CUX2: variants seen among roughly 807,000 people sequenced by gnomAD.
The protein encoded by CUX2 is homeobox protein cut-like 2.
In CUX2, 40 loss-of-function variants were observed where a neutral mutation model predicts 144.8. The observed-to-expected ratio is 0.28, with a 90% CI of 0.21 to 0.36. The LOEUF (loss-of-function observed/expected upper bound fraction) is 0.36. Ranked by LOEUF, CUX2 falls within the 10% of genes least tolerant of loss-of-function variation. The pLI is 1.00. For missense variants in CUX2, 1,615 were observed against 1,994.0 expected (o/e 0.81, Z 3.62); for synonymous variants, 827 against 875.6 (o/e 0.94, Z 0.98).
At chr12:111,341,296 CA>C (rs973641697) in intron 20 of CUX2, among the ~76,000 whole-genome samples, 1 of 151,450 alleles carries the variant, frequency 6.6e-6, no homozygotes, top group Non-Finnish European at 1.5e-5. Context: ...CCCATCTCTA[CA>C]AAAAAAATTA....
At chr12:111,318,896 C>A (rs528054002) in intron 16 of CUX2, among the ~76,000 whole-genome samples, 1 of 152,062 alleles carries the variant, frequency 6.6e-6, no homozygotes, top group East Asian at 2.0e-4. Context: ...AACTCCTAAA[C>A]TCAGACAATT....
At chr12:111,203,555 A>G (rs1880736497) in intron 1 of CUX2, among the ~76,000 whole-genome samples, 2 of 151,360 alleles carry the variant, frequency 1.3e-5, no homozygotes, top group Non-Finnish European at 2.9e-5. Context: ...AAAAAAAAAA[A>G]AAAAGAAAAA....
intron 4 of CUX2, among the ~76,000 whole-genome samples, chr12:111,283,282 G>A (rs1019591262): frequency 5.9e-5 from 9 of 152,076 alleles, no homozygotes; most frequent in Admixed American, 1.3e-4. Flanking sequence ...TCAGGATGTG[G>A]GTCTGCAGCA....
intron 1 of CUX2, among the ~76,000 whole-genome samples, chr12:111,182,578 G>A (rs967484620): frequency 1.3e-5 from 2 of 152,220 alleles, no homozygotes; most frequent in Non-Finnish European, 2.9e-5. Flanking sequence ...CGGCTCAGGT[G>A]ACAATGCTGA....
chr12:111,234,258 G>A (rs1270427152), intron 3 of CUX2, among the ~76,000 whole-genome samples: 2 of 152,178 alleles, frequency 1.3e-5, no homozygotes, highest in East Asian at 3.8e-4. Flanking sequence ...GGTACATTTT[G>A]GACAGGTGAA....
chr12:111,188,068 C>T (rs569489666), intron 1 of CUX2, among the ~76,000 whole-genome samples: 2 of 152,350 alleles, frequency 1.3e-5, no homozygotes, highest in East Asian at 1.9e-4. Flanking sequence ...CCCTGGAAAT[C>T]GATGACAGCT....
At chr12:111,222,154 A>G (rs1285259397) in intron 3 of CUX2, among the ~76,000 whole-genome samples, 1 of 152,242 alleles carries the variant, frequency 6.6e-6, no homozygotes, top group Non-Finnish European at 1.5e-5. Context: ...GCAGTTACAT[A>G]TCATTAACCC....
chr12:111,168,674 T>G (rs1878314319), intron 1 of CUX2, among the ~76,000 whole-genome samples: 1 of 152,238 alleles, frequency 6.6e-6, no homozygotes, highest in Admixed American at 6.5e-5. Context: ...TGGGATTGTA[T>G]TGTATTCATA....
At chr12:111,327,108 G>A (rs1043493743) in intron 18 of CUX2, among the ~76,000 whole-genome samples, 10 of 151,980 alleles carry the variant, frequency 6.6e-5, no homozygotes, top group African/African-American at 2.2e-4. Flanking sequence ...CCCAGCTCCT[G>A]GAATTCCGCT....
chr12:111,250,836 A>G (rs546107205), intron 3 of CUX2, among the ~76,000 whole-genome samples: 1 of 152,282 alleles, frequency 6.6e-6, no homozygotes, highest in Admixed American at 6.5e-5. Flanking sequence ...AGAAAACTGG[A>G]CATAGATGCT....
intron 1 of CUX2, among the ~76,000 whole-genome samples, chr12:111,131,908 G>A (rs1222291374): frequency 6.6e-6 from 1 of 152,222 alleles, no homozygotes; most frequent in Non-Finnish European, 1.5e-5. Flanking sequence ...AGTGCAAGCT[G>A]TCAGTGGATC....
chr12:111,179,917 C>T (rs1398441880), intron 1 of CUX2, among the ~76,000 whole-genome samples: 1 of 152,220 alleles, frequency 6.6e-6, no homozygotes, highest in Non-Finnish European at 1.5e-5. Context: ...CTACTGACCT[C>T]AGGGGACCTG....
rs1884240499 is a variant in CUX2 at position 111,263,629 on chromosome 12, ACAAAAC to A, written c.223-131_223-126del. The A allele has an allele frequency of 2.8e-6, 2 of 721,412 alleles. No individual in the cohort carries two copies. The highest frequency in any genetic ancestry group is 4.7e-6 in the Non-Finnish European group (2 of 423,580). The allele number at this position is 721,412 out of a possible 1,614,324, so 44.7% of individuals were successfully genotyped here. A position where few individuals can be genotyped will look rare whatever the true frequency, so the allele number is the denominator to read the frequency against. On this transcript the variant is annotated intron_variant, in intron 3 of 21. Coordinates refer to ENST00000261726, the MANE Select transcript of CUX2 (RefSeq NM_015267.4). The surrounding 1 kb of genome is among the most constrained non-coding windows in gnomAD (Gnocchi z 4.0). ...GACAGAGCAAGACTCTCTCTCAAAA[ACAAAAC>A]AAAACAAAACAAAACAAAACAAAAA...
At chr12:111,154,933 G>A (rs957057573) in intron 1 of CUX2, among the ~76,000 whole-genome samples, 8 of 152,180 alleles carry the variant, frequency 5.3e-5, no homozygotes, top group East Asian at 3.9e-4. Context: ...GTAGCACAGC[G>A]GTTGTGAGTC....
chr12:111,121,369 C>CTTTTTTTTTTTT (rs5800920), intron 1 of CUX2, among the ~76,000 whole-genome samples: 48 of 59,014 alleles, frequency 8.1e-4, no homozygotes, highest in East Asian at 2.1e-3. Context: ...TTTCTTTTTT[C>CTTTTTTTTTTTT]TTTTTTTTTT....
chr12:111,063,334 C>T (rs1008011098), intron 1 of CUX2, among the ~76,000 whole-genome samples: 1 of 152,072 alleles, frequency 6.6e-6, no homozygotes, highest in African/African-American at 2.4e-5. Flanking sequence ...CAAGCAAACA[C>T]CCCCTCCCCC....
intron 3 of CUX2, among the ~76,000 whole-genome samples, chr12:111,238,413 C>T (rs1413078895): frequency 1.3e-5 from 2 of 152,204 alleles, no homozygotes; most frequent in Non-Finnish European, 2.9e-5. Context: ...TTCCAGACAA[C>T]ACTCTAGGTC....
At chr12:111,297,134 G>T (rs539040028) in intron 8 of CUX2, among the ~76,000 whole-genome samples, 12 of 130,724 alleles carry the variant, frequency 9.2e-5, no homozygotes, top group African/African-American at 1.7e-4. Flanking sequence ...CCACCCTCTG[G>T]CCCTCCCAGA....
Position 111,295,103 on chromosome 12 carries a change from C to T in CUX2, c.561-230C>T, listed in dbSNP as rs1885902541. Among the ~76,000 whole-genome samples the T allele has an allele frequency of 6.6e-6, 1 of 152,138 alleles. No individual in the cohort carries two copies. Among genetic ancestry groups the T allele is most frequent in the South Asian group, 2.1e-4 (1 of 4,824 alleles). On this transcript the variant is annotated intron_variant, in intron 6 of 21. Coordinates refer to ENST00000261726, the MANE Select transcript of CUX2 (RefSeq NM_015267.4). This position sits in a 1 kb window ranked among gnomAD's most constrained non-coding sequence, Gnocchi z 5.0. ...TTGCTTGCTACTGTAAATTTTGCCC[C>T]TAAAAATCCTGGCAGAAACTAACAG...
Sources: gnomAD v4.1 joint callset for allele counts (sites outside exome capture counted in the v4.1 genomes callset) on GRCh38, gnomAD v4.1.1 for gene constraint, Gnocchi (gnomAD v3.1) non-coding constraint, MANE v1.5 for transcripts, NCBI Gene and HGNC (gene_info 2026-07-23, HGNC 2026-07-21) for gene names.